IAPP: variants seen among roughly 807,000 people sequenced by gnomAD.
IAPP encodes islet amyloid polypeptide, also known as Islet amyloid polypeptide (diabetes-associated peptide; amylin).
IAPP carries 4 observed loss-of-function variants against 2.9 expected under a neutral mutation model. The observed-to-expected ratio is 1.39, with a 90% CI of 0.69 to 3.19. The LOEUF is 3.19. Ranked by LOEUF, IAPP falls within the 30% of genes most tolerant of loss-of-function variation. IAPP has a pLI of 0.01. For missense variants in IAPP, 114 were observed against 105.3 expected (o/e 1.08, Z -0.36); for synonymous variants, 40 against 42.1 (o/e 0.95, Z 0.19).
At chr12:21,357,862 T>C (rs1938496669) in intron 1 of IAPP, among the ~76,000 whole-genome samples, 1 of 152,182 alleles carries the variant, frequency 6.6e-6, no homozygotes, top group Admixed American at 6.5e-5. Flanking sequence ...TGTTCTTGCT[T>C]AAGAAAATTT....
upstream of IAPP, among the ~76,000 whole-genome samples, chr12:21,372,422 G>A (rs1939866861): frequency 6.6e-6 from 1 of 151,922 alleles, no homozygotes; most frequent in East Asian, 1.9e-4. Flanking sequence ...TCACCTCATT[G>A]TAAATGACTT....
chr12:21,367,426 G>A (rs557617823), intron 1 of IAPP, among the ~76,000 whole-genome samples: 4 of 152,194 alleles, frequency 2.6e-5, no homozygotes, highest in African/African-American at 9.6e-5. Flanking sequence ...CAGTCAGTTT[G>A]GAGAAAAGCA....
At chr12:21,373,763 C>A (rs1939981186) in intron 2 of IAPP, 1 of 687,590 alleles carries the variant, frequency 1.5e-6, no homozygotes, top group Non-Finnish European at 2.6e-6. Context: ...TAACCTGATA[C>A]TGAAACAAAC....
intron 1 of IAPP, among the ~76,000 whole-genome samples, chr12:21,360,200 T>C (rs1938719385): frequency 6.6e-6 from 1 of 152,028 alleles, no homozygotes; most frequent in Non-Finnish European, 1.5e-5. Context: ...CAAGACAACA[T>C]TTTAGAAGGA....
At chr12:21,368,444 G>C (rs1304645556), upstream of IAPP, among the ~76,000 whole-genome samples, 1 of 150,186 alleles carries the variant, frequency 6.7e-6, no homozygotes, top group Non-Finnish European at 1.5e-5. Flanking sequence ...ATCTTGTTTA[G>C]ATCCTGAATC....
chr12:21,374,262 G>A (rs1410491644), intron 2 of IAPP: 3 of 152,276 alleles, frequency 2.0e-5, no homozygotes, highest in African/African-American at 2.4e-5. Context: ...TTATTTAAAG[G>A]GTTATTAAGT....
rs1940352390 is a variant in IAPP, at chr12:21,378,279, A to T, written c.123A>T (p.Ala41=). Residue 41 remains alanine, a synonymous_variant, in exon 3 of 3, where the codon GCA becomes GCT. Transcript: ENST00000240652. ...GGAAATGCAACACTGCCACATGTGC[A>T]ACGCAGCGCCTGGCAAATTTTTTAG... is the stretch of plus-strand genomic sequence containing the variant. ...EKRKCNTATC[A]TQRLANFLVH... The T allele has an allele frequency of 2.1e-5, 34 of 1,614,230 alleles. No individual in the cohort carries two copies. Among genetic ancestry groups the T allele is most frequent in the Non-Finnish European group, 2.9e-5 (34 of 1,180,036 alleles).
upstream of IAPP, among the ~76,000 whole-genome samples, chr12:21,368,972 C>G (rs1001382164): frequency 1.3e-5 from 2 of 151,782 alleles, no homozygotes; most frequent in African/African-American, 4.8e-5. Flanking sequence ...AATGTAGAAA[C>G]AGCTAAAATA....
intron 1 of IAPP, among the ~76,000 whole-genome samples, chr12:21,366,927 A>G (rs1939432895): frequency 6.6e-6 from 1 of 152,058 alleles, no homozygotes; most frequent in African/African-American, 2.4e-5. Context: ...AATGGAGAGG[A>G]GACAAATATC....
upstream of IAPP, among the ~76,000 whole-genome samples, chr12:21,372,547 T>G (rs1939876750): frequency 6.6e-6 from 1 of 152,238 alleles, no homozygotes; most frequent in Non-Finnish European, 1.5e-5. Flanking sequence ...ACCAAAAGTC[T>G]GTGATTTCTC....
upstream of IAPP, among the ~76,000 whole-genome samples, chr12:21,370,784 T>C (rs943209167): frequency 1.3e-5 from 2 of 152,194 alleles, no homozygotes; most frequent in Non-Finnish European, 2.9e-5. Context: ...GATTCAGCAT[T>C]AACTAGATGT....
At chr12:21,359,649 A>G (rs1430311513) in intron 1 of IAPP, among the ~76,000 whole-genome samples, 1 of 151,944 alleles carries the variant, frequency 6.6e-6, no homozygotes, top group Non-Finnish European at 1.5e-5. Context: ...CGGGAGGCTG[A>G]GGCAGGAGAA....
At chr12:21,363,317 G>T (rs565460724) in intron 1 of IAPP, among the ~76,000 whole-genome samples, 33 of 152,220 alleles carry the variant, frequency 2.2e-4, no homozygotes, top group African/African-American at 7.5e-4. Flanking sequence ...ACGAAATGAA[G>T]GCAGAAATAA....
chr12:21,366,082 A>G (rs1435676576), intron 1 of IAPP, among the ~76,000 whole-genome samples: 4 of 152,212 alleles, frequency 2.6e-5, no homozygotes, highest in Non-Finnish European at 5.9e-5. Flanking sequence ...TCATGCTGCT[A>G]TAAAGACACA....
chr12:21,373,102 G>C, intron 1 of IAPP, 98 bp downstream of exon 1: 1 of 515,650 alleles, frequency 1.9e-6, no homozygotes, highest in Non-Finnish European at 3.4e-6. Flanking sequence ...GCTAAAGGGA[G>C]AATGTATTAC....
chr12:21,361,322 T>G (rs1024640404), intron 1 of IAPP, among the ~76,000 whole-genome samples: 1 of 152,028 alleles, frequency 6.6e-6, no homozygotes, highest in African/African-American at 2.4e-5. Flanking sequence ...CAGTTGAGGG[T>G]CCTGACTGTT....
At chr12:21,363,056 C>A (rs1237383496) in intron 1 of IAPP, among the ~76,000 whole-genome samples, 1 of 152,226 alleles carries the variant, frequency 6.6e-6, no homozygotes, top group Non-Finnish European at 1.5e-5. Context: ...TAATAGACAT[C>A]TACAGAACTC....
At chr12:21,358,524 A>G in intron 1 of IAPP, among the ~76,000 whole-genome samples, 2 of 152,274 alleles carry the variant, frequency 1.3e-5, no homozygotes, top group Admixed American at 1.3e-4. Context: ...AAAGTATTAT[A>G]ATATTTTTGT....
intron 1 of IAPP, among the ~76,000 whole-genome samples, chr12:21,362,520 T>A (rs1269530062): frequency 6.6e-6 from 1 of 152,118 alleles, no homozygotes; most frequent in East Asian, 1.9e-4. Context: ...GCTAACATCA[T>A]AATGACAGGA....
Sources: gnomAD v4.1 joint callset for allele counts (sites outside exome capture counted in the v4.1 genomes callset) on GRCh38, gnomAD v4.1.1 for gene constraint, MANE v1.5 for transcripts, NCBI Gene and HGNC (gene_info 2026-07-23, HGNC 2026-07-21) for gene names.